Variants in ROBO2 observed in about 807,000 individuals in gnomAD.
The protein encoded by ROBO2 is roundabout guidance receptor 2.
A neutral mutation model predicts 160.8 loss-of-function variants in ROBO2; 53 were observed. The observed-to-expected ratio is 0.33, with a 90% confidence interval of 0.26 to 0.41. The LOEUF (loss-of-function observed/expected upper bound fraction) is 0.41, where lower values mean the gene tolerates loss of function less well. ROBO2 is among the 10% of genes least tolerant of loss of function. The probability of loss-of-function intolerance (pLI) is 1.00; values close to 1 mark genes in which losing one functional copy is unlikely to be tolerated. For synonymous variants in ROBO2, 664 were observed against 611.7 expected (o/e 1.09, Z -1.26); for missense variants, 1,577 against 1,722.4 (o/e 0.92, Z 1.49).
intron 2 of ROBO2, among the ~76,000 whole-genome samples, chr3:76,609,596 T>G (rs2087926340): frequency 6.6e-6 from 1 of 152,238 alleles, no homozygotes; most frequent in Admixed American, 6.5e-5. Context: ...TGAATTTGTT[T>G]ATTAGCTTGG....
intron 2 of ROBO2, among the ~76,000 whole-genome samples, chr3:77,248,014 T>G (rs62249675): frequency 0.29 from 43,296 of 151,702 alleles, 6,833 homozygotes; most frequent in Non-Finnish European, 0.35. Flanking sequence ...CCCACCCCCG[T>G]CCTGTGCCTG....
chr3:76,178,485 G>A (rs1041655272), intron 2 of ROBO2, among the ~76,000 whole-genome samples: 1 of 152,072 alleles, frequency 6.6e-6, no homozygotes, highest in African/African-American at 2.4e-5. Context: ...ATACATTATT[G>A]TTCATCTTAA....
chr3:76,010,117 A>G (rs2066150912), intron 2 of ROBO2, among the ~76,000 whole-genome samples: 4 of 152,236 alleles, frequency 2.6e-5, no homozygotes, highest in African/African-American at 9.6e-5. Flanking sequence ...TGTCTTTAAA[A>G]CTTAATAAAA....
intron 2 of ROBO2, among the ~76,000 whole-genome samples, chr3:76,114,829 G>T (rs1487256942): frequency 6.6e-6 from 1 of 152,072 alleles, no homozygotes; most frequent in Non-Finnish European, 1.5e-5. Context: ...TGGTGCTACT[G>T]CAGATACTGA....
At chr3:77,542,338 A>G (rs1442912593) in intron 6 of ROBO2, among the ~76,000 whole-genome samples, 2 of 152,182 alleles carry the variant, frequency 1.3e-5, no homozygotes, top group Non-Finnish European at 2.9e-5. Flanking sequence ...ACAGACTTGA[A>G]TACTCTTCAA....
At chr3:77,449,272 G>A (rs1212800496) in intron 2 of ROBO2, among the ~76,000 whole-genome samples, 1 of 151,964 alleles carries the variant, frequency 6.6e-6, no homozygotes, top group Non-Finnish European at 1.5e-5. Context: ...ATGGTCATTC[G>A]GGTCATGAAA....
intron 2 of ROBO2, among the ~76,000 whole-genome samples, chr3:76,084,198 T>A (rs2068931098): frequency 6.6e-6 from 1 of 152,036 alleles, no homozygotes; most frequent in Admixed American, 6.6e-5. Flanking sequence ...AGAATGCAAA[T>A]CTGAGAAACA....
chr3:76,041,880 T>C (rs1576603166), intron 2 of ROBO2, among the ~76,000 whole-genome samples: 1 of 152,004 alleles, frequency 6.6e-6, no homozygotes, highest in Non-Finnish European at 1.5e-5. Flanking sequence ...CATTGACATA[T>C]GAATGTACTT....
intron 2 of ROBO2, among the ~76,000 whole-genome samples, chr3:76,098,226 T>G (rs1404781554): frequency 2.0e-5 from 3 of 152,206 alleles, no homozygotes; most frequent in Admixed American, 6.5e-5. Flanking sequence ...CTTTAATTCC[T>G]GTGGTAAGGA....
chr3:76,872,346 C>A (rs2072192484), intron 2 of ROBO2, among the ~76,000 whole-genome samples: 1 of 151,980 alleles, frequency 6.6e-6, no homozygotes, highest in Non-Finnish European at 1.5e-5. Context: ...ATAAAAAATA[C>A]AGAAAACATA....
chr3:76,010,253 G>GT (rs1202329294), intron 2 of ROBO2, among the ~76,000 whole-genome samples: 3 of 152,226 alleles, frequency 2.0e-5, no homozygotes, highest in African/African-American at 7.2e-5. Flanking sequence ...CTCCTGGCTA[G>GT]TTTAAGAAAG....
chr3:77,030,996 A>C (rs1158508931), intron 2 of ROBO2, among the ~76,000 whole-genome samples: 3 of 152,194 alleles, frequency 2.0e-5, no homozygotes, highest in Non-Finnish European at 2.9e-5. Flanking sequence ...CCAAAAGCAA[A>C]GGAGTCTGCA....
chr3:76,213,454 C>A (rs1703280988), intron 2 of ROBO2, among the ~76,000 whole-genome samples: 2 of 151,906 alleles, frequency 1.3e-5, no homozygotes, highest in African/African-American at 2.4e-5. Flanking sequence ...TATTTCTGAT[C>A]CTTATGTTGT....
chr3:76,450,976 T>C (rs955619094), intron 2 of ROBO2, among the ~76,000 whole-genome samples: 1 of 152,098 alleles, frequency 6.6e-6, no homozygotes, highest in African/African-American at 2.4e-5. Flanking sequence ...CAAAGGTTAA[T>C]TTACCTCTCA....
chr3:76,560,933 GATATATATATATATATATATAT>G (rs10581875), intron 2 of ROBO2, among the ~76,000 whole-genome samples: 7 of 128,162 alleles, frequency 5.5e-5, no homozygotes, highest in Admixed American at 7.9e-5. Flanking sequence ...TAAGAAGTAA[GATATATATATATATATATATAT>G]ATATATATAT....
In ROBO2 at chr3:77,312,231, CAGTT is replaced by C. The variant is rs375658910; in HGVS notation, c.389-165180_389-165177del. Among the ~76,000 whole-genome samples the C allele has an allele frequency of 2.6e-3, 401 of 152,142 alleles. 2 individuals carry two copies. Among genetic ancestry groups the C allele is most frequent in the African/African-American group, 9.1e-3 (379 of 41,494 alleles). On this transcript the variant is annotated intron_variant, in intron 2 of 25. Coordinates refer to ENST00000461745, the Ensembl canonical transcript of ROBO2. ...ACACCAGATACTACATAAATAAAAA[CAGTT>C]AGAAGTTTTGTTTATTGAGTATTTT...
Position 76,703,877 on chromosome 3 carries a change from C to G in ROBO2, c.110-394137C>G, listed in dbSNP as rs952470991. 1.6e-4 allele frequency among the ~76,000 whole-genome samples: 24 copies of G among 152,034 alleles called. 1 individual carries two copies. The highest frequency in any genetic ancestry group is 5.5e-4 in the African/African-American group (23 of 41,484). ...GATTTATAATCCTTTGGGTATAAAC[C>G]CAGTAATGGGATTGCTGGGTCAAAT... is the stretch of plus-strand genomic sequence containing the variant. On this transcript the variant is annotated intron_variant, in intron 2 of 26. Transcript: ENST00000487694.
At chr3:76,935,577 G>A (rs137868543) in intron 2 of ROBO2, among the ~76,000 whole-genome samples, 1 of 150,560 alleles carries the variant, frequency 6.6e-6, no homozygotes, top group Non-Finnish European at 1.5e-5. Flanking sequence ...GGGTAGCTAT[G>A]TATGTAAACA....
chr3:77,404,285 CA>C (rs1288188350), intron 2 of ROBO2, among the ~76,000 whole-genome samples: 1 of 152,048 alleles, frequency 6.6e-6, no homozygotes, highest in Non-Finnish European at 1.5e-5. Flanking sequence ...TGTAAGGAGG[CA>C]AAATCATCTC....
Sources: gnomAD v4.1 joint callset for allele counts (sites outside exome capture counted in the v4.1 genomes callset) on GRCh38, gnomAD v4.1.1 for gene constraint, MANE v1.5 for transcripts, NCBI Gene and HGNC (gene_info 2026-07-23, HGNC 2026-07-21) for gene names.